Variants in GSDME observed in about 807,000 individuals in gnomAD.
The protein encoded by GSDME is gasdermin E, also known as gasdermin-E.
A neutral mutation model predicts 47.5 loss-of-function variants in GSDME; 44 were observed. That is an observed-to-expected ratio of 0.93 (90% CI 0.73 to 1.19). GSDME has a LOEUF of 1.19. Ranked by LOEUF, GSDME falls within the 50% of genes most tolerant of loss-of-function variation. The probability of loss-of-function intolerance (pLI) is 0.00; values close to 1 mark genes in which losing one functional copy is unlikely to be tolerated. For missense variants in GSDME, 663 were observed against 604.2 expected, an observed-to-expected ratio of 1.10 and a Z score of -1.02; for synonymous variants, 258 against 252.8, an observed-to-expected ratio of 1.02 and a Z score of -0.20.
At chr7:24,741,766 A>G (rs1790499954) in intron 3 of GSDME, among the ~76,000 whole-genome samples, 1 of 152,160 alleles carries the variant, frequency 6.6e-6, no homozygotes, top group South Asian at 2.1e-4. Context: ...CAATGATGTT[A>G]TGGGGAGTCC....
intron 3 of GSDME, among the ~76,000 whole-genome samples, chr7:24,722,198 G>A (rs889975247): frequency 4.6e-5 from 7 of 152,236 alleles, no homozygotes; most frequent in African/African-American, 1.7e-4. Context: ...GAATAAATGA[G>A]TAAATAAAAC....
the GSDME span, among the ~76,000 whole-genome samples, chr7:24,776,809 TTC>T: frequency 6.6e-6 from 1 of 152,204 alleles, no homozygotes; most frequent in Non-Finnish European, 1.5e-5. Context: ...GCAAATTATG[TTC>T]TTTCATTTCT....
At chr7:24,758,841 C>T (rs1167154904), upstream of GSDME, among the ~76,000 whole-genome samples, 2 of 152,160 alleles carry the variant, frequency 1.3e-5, no homozygotes, top group East Asian at 3.8e-4. The surrounding 1 kb of genome is among the most constrained non-coding windows in gnomAD (Gnocchi z 4.6). Context: ...ATTATCCTCT[C>T]CTGTAAAATG....
At chr7:24,757,692 CT>C (rs1039862944), upstream of GSDME, 1 of 152,400 alleles carries the variant, frequency 6.6e-6, no homozygotes, top group African/African-American at 2.4e-5. The surrounding 1 kb of genome is among the most constrained non-coding windows in gnomAD (Gnocchi z 5.9). Flanking sequence ...TCCCCGCGCG[CT>C]TTTCGGGACT....
chr7:24,702,040 A>C (rs1276460987), intron 9 of GSDME, among the ~76,000 whole-genome samples: 2 of 152,192 alleles, frequency 1.3e-5, no homozygotes, highest in Non-Finnish European at 2.9e-5. Flanking sequence ...CTTGGACTTT[A>C]GTAATTAGGC....
chr7:24,757,170 C>T lies in GSDME; in HGVS notation c.-20+226G>A, dbSNP rs1049256911. 9.2e-5 allele frequency among the ~76,000 whole-genome samples: 14 copies of T among 152,262 alleles called. No homozygotes were observed. The East Asian group carries it at 2.7e-3, about 29-fold the overall frequency. ...GGCGGGACGCGGTGATGGGAGGGGA[C>T]CGGGCCGGGAATGCGGGAGGCGAGG... is the stretch of plus-strand genomic sequence containing the variant. On this transcript the variant is annotated intron_variant, in intron 1 of 9. Transcript: ENST00000645220. This position sits in a 1 kb window ranked among gnomAD's most constrained non-coding sequence, Gnocchi z 5.9.
intron 6 of GSDME, among the ~76,000 whole-genome samples, chr7:24,709,215 C>G (rs1303155900): frequency 6.6e-6 from 1 of 152,210 alleles, no homozygotes; most frequent in Non-Finnish European, 1.5e-5. Context: ...CCACTGCACC[C>G]CTGCTGACCA....
rs778326869 is a variant in GSDME at position 24,706,370 on chromosome 7, C to T, written c.997G>A (p.Asp333Asn). 68 of 1,612,464 alleles carry T rather than the reference C, an allele frequency of 4.2e-5. No homozygotes were observed. Among genetic ancestry groups the T allele is most frequent in the Admixed American group, 4.0e-4 (24 of 59,994 alleles). ...LLMVLEPVCDDLVSGLSPTVA... is the reference protein window; with the variant it reads ...LLMVLEPVCDNLVSGLSPTVA... ...GTGGGCGAGAGGCCGCTGACCAGGTCATCGCACTGTAGGGCAGGGAAGAAG... is the reference window on the plus strand; with the variant it reads ...GTGGGCGAGAGGCCGCTGACCAGGTTATCGCACTGTAGGGCAGGGAAGAAG... The change falls in exon 8 of 10, where the codon GAC becomes AAC. Residue 333 changes from aspartate (D) to asparagine (N), a missense_variant. Physicochemically the swap from Asp to Asn is conservative, Grantham distance 23 (BLOSUM62 1). Coordinates refer to ENST00000645220, the MANE Select transcript of GSDME (RefSeq NM_001127453.2).
At chr7:24,785,676 C>T in the GSDME span, among the ~76,000 whole-genome samples, 74 of 152,278 alleles carry the variant, frequency 4.9e-4, no homozygotes, top group East Asian at 5.8e-4. Flanking sequence ...AGGATGGTCT[C>T]GATCTCCTGA....
the GSDME span, among the ~76,000 whole-genome samples, chr7:24,763,328 T>G: frequency 3.9e-4 from 59 of 152,040 alleles, no homozygotes; most frequent in African/African-American, 1.1e-3. This position sits in a 1 kb window ranked among gnomAD's most constrained non-coding sequence, Gnocchi z 4.3. Flanking sequence ...CTTTCTCACT[T>G]TACAGCTTCT....
At chr7:24,790,453 C>T in the GSDME span, among the ~76,000 whole-genome samples, 47 of 152,246 alleles carry the variant, frequency 3.1e-4, no homozygotes, top group South Asian at 3.9e-3. The surrounding 1 kb of genome is among the most constrained non-coding windows in gnomAD (Gnocchi z 4.1). Context: ...CCCAGGAGTT[C>T]GCCTGTTTTT....
At chr7:24,702,739 C>T in intron 9 of GSDME, 21 bp downstream of exon 9, 3 of 1,609,186 alleles carry the variant, frequency 1.9e-6, no homozygotes, top group Non-Finnish European at 2.6e-6. Context: ...ATTCTAAGGT[C>T]CCACCTGGGA....
chr7:24,715,231 C>T (rs564217245), intron 5 of GSDME, among the ~76,000 whole-genome samples: 6 of 152,140 alleles, frequency 3.9e-5, no homozygotes, highest in Non-Finnish European at 8.8e-5. Flanking sequence ...GTTGTCAAAG[C>T]ATGCAAACCT....
rs1788745536 is a variant in GSDME at position 24,698,972 on chromosome 7, A to C, written c.*54T>G. The C allele has an allele frequency of 8.2e-7, 1 of 1,223,916 alleles. No homozygotes were observed. Among genetic ancestry groups the C allele is most frequent in the African/African-American group, 1.5e-5 (1 of 66,760 alleles). The allele number at this position is 1,223,916 out of a possible 1,614,324, so 75.8% of individuals were successfully genotyped here. A position where few individuals can be genotyped will look rare whatever the true frequency, so the allele number is the denominator to read the frequency against. On this transcript the variant is annotated 3_prime_UTR_variant, in exon 10 of 10. Coordinates refer to ENST00000645220, the MANE Select transcript of GSDME (RefSeq NM_001127453.2). ...TTTTAACGTGCATATGACCTTTAACAGTTCTGAAAAATAGCCTTGGCCAGT... is the reference window on the plus strand; with the variant it reads ...TTTTAACGTGCATATGACCTTTAACCGTTCTGAAAAATAGCCTTGGCCAGT...
At position 24,717,517 on chromosome 7, in the gene GSDME, G is replaced by C. The variant is rs544822594; in HGVS notation, c.577-143C>G. The C allele has an allele frequency of 3.5e-5, 47 of 1,334,962 alleles. No individual in the cohort carries two copies. The East Asian group carries it at 9.5e-4, about 27-fold the overall frequency. The allele number at this position is 1,334,962 out of a possible 1,614,324, so 82.7% of individuals were successfully genotyped here. On this transcript the variant is annotated intron_variant, in intron 4 of 9. Transcript: ENST00000645220. ...CCGAGTGGAACAGAGGAGCCAGCCA[G>C]CATGGGGGATGGGGGGATTCAATCC... is the stretch of plus-strand genomic sequence containing the variant.
intron 8 of GSDME, chr7:24,703,840 C>G (rs569859414): frequency 6.6e-6 from 1 of 152,358 alleles, no homozygotes; most frequent in African/African-American, 2.4e-5. Context: ...CAAGTAGTCT[C>G]TTACCCCAAA....
chr7:24,702,869 A>G, intron 8 of GSDME, 36 bp from the exon 9 acceptor site: 1 of 1,590,918 alleles, frequency 6.3e-7, no homozygotes. Context: ...CAGTCCAAAA[A>G]AACAAGTCCA....
chr7:24,705,689 G>T lies in GSDME; in HGVS notation c.1183+495C>A. ...AGCTGTGCATCTGGGCCCAGCCACA[G>T]CTCTGCCTCCCAGCCTAGTACATTG... On this transcript the variant is annotated intron_variant, in intron 8 of 9. Transcript: ENST00000645220. This position sits in a 1 kb window ranked among gnomAD's most constrained non-coding sequence, Gnocchi z 4.1. 4.2e-6 allele frequency: 1 copy of T among 239,420 alleles called. No individual in the cohort carries two copies. The allele number at this position is 239,420 out of a possible 1,614,324, so 14.8% of individuals were successfully genotyped here.
chr7:24,754,441 T>C lies in GSDME; in HGVS notation c.-20+2955A>G, dbSNP rs1790953053. On this transcript the variant is annotated intron_variant, in intron 1 of 9. Transcript: ENST00000645220. The surrounding 1 kb of genome is among the most constrained non-coding windows in gnomAD (Gnocchi z 5.0). ...CAGAGGTTGCAGTGAGCCAAGATCC[T>C]GCCATTGCACTCCAGCCTGGGCAAC... 6.7e-6 allele frequency among the ~76,000 whole-genome samples: 1 copy of C among 150,250 alleles called. No homozygotes were observed. Among genetic ancestry groups the C allele is most frequent in the Admixed American group, 6.7e-5 (1 of 15,014 alleles).
Sources: allele counts gnomAD v4.1 joint callset (sites outside exome capture counted in the v4.1 genomes callset), GRCh38; gene constraint gnomAD v4.1.1; non-coding constraint Gnocchi (gnomAD v3.1); transcripts MANE v1.5; gene names NCBI Gene and HGNC (gene_info 2026-07-23, HGNC 2026-07-21).